The following ATP11C variants were observed in gnomAD, a reference collection of about 807,000 sequenced individuals.
ATP11C encodes phospholipid-transporting ATPase IG.
ATP11C carries 36 observed loss-of-function variants against 97.4 expected under a neutral mutation model. That is an observed-to-expected ratio of 0.37 (90% CI 0.28 to 0.49). ATP11C has a LOEUF of 0.49. Among genes scored for constraint, ATP11C ranks in the 20% least tolerant of loss-of-function variants. The pLI is 0.98. For missense variants in ATP11C, 730 were observed against 824.6 expected (o/e 0.89, Z 1.40); for synonymous variants, 275 against 290.9 (o/e 0.95, Z 0.56).
intron 1 of ATP11C, among the ~76,000 whole-genome samples, chrX:139,909,204 T>C (rs960710653): frequency 9.0e-6 from 1 of 111,431 alleles, no homozygotes; most frequent in Admixed American, 9.6e-5. Flanking sequence ...CGATCTTGGC[T>C]CACTGCAACC....
chrX:139,929,121 TACAG>T lies in ATP11C; in HGVS notation c.27+2891_27+2894del, dbSNP rs370343135. 2.8e-3 allele frequency among the ~76,000 whole-genome samples: 317 copies of T among 112,240 alleles called. 2 individuals carry two copies. Among genetic ancestry groups the T allele is most frequent in the Middle Eastern group, 9.2e-3 (2 of 218 alleles). On this transcript the variant is annotated intron_variant, in intron 1 of 29. Coordinates refer to ENST00000682941, the MANE Select transcript of ATP11C (RefSeq NM_001353812.2). ...ATATGCCTTTGAAGAAAATAAATTGTACAGACAGAGTTATTATTACTTATTTACT... is the reference window on the plus strand; with the variant it reads ...ATATGCCTTTGAAGAAAATAAATTGTACAGAGTTATTATTACTTATTTACT...
upstream of ATP11C, among the ~76,000 whole-genome samples, chrX:139,936,778 T>A (rs890431960): frequency 3.6e-5 from 4 of 111,100 alleles, no homozygotes; most frequent in African/African-American, 1.3e-4. Flanking sequence ...CACTAGAGCA[T>A]AGGATGTAGG....
At chrX:139,904,373 CAA>C (rs1416088581) in intron 1 of ATP11C, among the ~76,000 whole-genome samples, 4 of 109,832 alleles carry the variant, frequency 3.6e-5, no homozygotes, top group Non-Finnish European at 7.6e-5. Context: ...ACCAAAAATA[CAA>C]AAAATTAGCT....
intron 1 of ATP11C, among the ~76,000 whole-genome samples, chrX:139,861,945 T>C (rs1326397164): frequency 9.0e-6 from 1 of 111,371 alleles, no homozygotes; most frequent in Non-Finnish European, 1.9e-5. Context: ...GGGAAGACTC[T>C]TATCAACAGA....
intron 5 of ATP11C, among the ~76,000 whole-genome samples, chrX:139,814,108 T>G (rs761139574): frequency 1.8e-5 from 2 of 111,326 alleles, no homozygotes; most frequent in Non-Finnish European, 3.8e-5. Flanking sequence ...AAAATATAAT[T>G]TTTTAATTTA....
chrX:139,882,788 A>C (rs2084581280), intron 1 of ATP11C, among the ~76,000 whole-genome samples: 2 of 111,331 alleles, frequency 1.8e-5, no homozygotes, highest in Non-Finnish European at 3.8e-5. Context: ...TTTTCAGAGG[A>C]CCCAGATTAA....
chrX:139,816,429 C>T (rs1426235013), intron 4 of ATP11C, among the ~76,000 whole-genome samples: 1 of 111,765 alleles, frequency 8.9e-6, no homozygotes, highest in Non-Finnish European at 1.9e-5. Context: ...CAGGAAATGT[C>T]CCCTCTACCT....
Position 139,727,676 on chromosome X carries a change from A to T in ATP11C, c.*1290T>A. ...ATGCCAGAAAGACAAAAAAAAAACA[A>T]AAAAACTAGCAGTCAAATAAATATG... On this transcript the variant is annotated 3_prime_UTR_variant, in exon 30 of 30. Coordinates refer to ENST00000682941, the MANE Select transcript of ATP11C (RefSeq NM_001353812.2). The T allele has an allele frequency of 9.0e-6, 1 of 111,635 alleles. No homozygotes were observed. The highest frequency in any genetic ancestry group is 3.3e-5 in the African/African-American group (1 of 30,716). The allele number at this position is 111,635 out of a possible 1,213,427, so 9.2% of individuals were successfully genotyped here. A position where few individuals can be genotyped will look rare whatever the true frequency, so the allele number is the denominator to read the frequency against.
chrX:139,763,236 C>T (rs186760157), intron 21 of ATP11C, 80 bp downstream of exon 21: 1 of 735,803 alleles, frequency 1.4e-6, no homozygotes, highest in Admixed American at 2.9e-5. Flanking sequence ...CCAAAACAGT[C>T]ACTCTAGAAT....
rs1446363966 is a variant in ATP11C at position 139,859,978 on chromosome X, G to A, written c.28-33155C>T. On this transcript the variant is annotated intron_variant, in intron 1 of 29. Coordinates refer to ENST00000682941, the MANE Select transcript of ATP11C (RefSeq NM_001353812.2). The stretch of plus-strand genomic sequence containing the variant: ...AAATTAGCCGGGCGTAGTGGCGGGC[G>A]CCTGTAGTCCCAGCTACTTGGGAGG... 2.4e-4 allele frequency among the ~76,000 whole-genome samples: 22 copies of A among 92,716 alleles called. 1 individual carries two copies. The highest frequency in any genetic ancestry group is 3.7e-4 in the Non-Finnish European group (19 of 51,407). The allele number at this position is 92,716 out of a possible 115,157, so 80.5% of individuals were successfully genotyped here.
chrX:139,799,644 CT>C (rs754371113), intron 8 of ATP11C, among the ~76,000 whole-genome samples: 2,746 of 60,335 alleles, frequency 0.046, 28 homozygotes, highest in East Asian at 0.11. Context: ...CTTTATATTC[CT>C]TTTTTTTTTT....
At chrX:139,891,972 T>G (rs962389085) in intron 1 of ATP11C, among the ~76,000 whole-genome samples, 1 of 110,771 alleles carries the variant, frequency 9.0e-6, no homozygotes, top group Non-Finnish European at 1.9e-5. Context: ...TTCTCATGCC[T>G]CAGCCTCTCA....
chrX:139,847,197 C>A (rs905273742), intron 1 of ATP11C, among the ~76,000 whole-genome samples: 1 of 110,713 alleles, frequency 9.0e-6, no homozygotes, highest in Non-Finnish European at 1.9e-5. Context: ...CAAGCCTGGG[C>A]AACATAGTAA....
At chrX:139,845,529 G>A (rs1467023670) in intron 1 of ATP11C, among the ~76,000 whole-genome samples, 3 of 111,957 alleles carry the variant, frequency 2.7e-5, no homozygotes, top group Admixed American at 9.5e-5. Flanking sequence ...CCAGTGAGTA[G>A]AGGAAATGGA....
chrX:139,805,032 A>T (rs2083011072), intron 5 of ATP11C, among the ~76,000 whole-genome samples: 1 of 111,985 alleles, frequency 8.9e-6, no homozygotes, highest in Non-Finnish European at 1.9e-5. Context: ...GCCATGTGGT[A>T]ACAACTGTGT....
intron 18 of ATP11C, among the ~76,000 whole-genome samples, chrX:139,781,110 A>G (rs2082447187): frequency 9.0e-6 from 1 of 111,540 alleles, no homozygotes; most frequent in East Asian, 2.8e-4. Context: ...AGGAACGCCA[A>G]TCATCCTGAA....
At chrX:139,752,754 A>G (rs2081848371) in intron 23 of ATP11C, among the ~76,000 whole-genome samples, 1 of 112,240 alleles carries the variant, frequency 8.9e-6, no homozygotes, top group Non-Finnish European at 1.9e-5. Flanking sequence ...CTCAATAGCA[A>G]TTTGAATGTT....
intron 24 of ATP11C, among the ~76,000 whole-genome samples, chrX:139,749,310 G>A (rs1435885512): frequency 8.9e-6 from 1 of 111,788 alleles, no homozygotes; most frequent in East Asian, 2.8e-4. Flanking sequence ...TTAAATTTGT[G>A]TATCTTCATT....
At chrX:139,887,461 C>CA (rs200174893) in intron 1 of ATP11C, among the ~76,000 whole-genome samples, 3,324 of 108,881 alleles carry the variant, frequency 0.031, 77 homozygotes, top group African/African-American at 0.064. Flanking sequence ...CCTGTTTCTA[C>CA]AAAAAAAACC....
Sources: allele counts gnomAD v4.1 joint callset (sites outside exome capture counted in the v4.1 genomes callset), GRCh38; gene constraint gnomAD v4.1.1; transcripts MANE v1.5; gene names NCBI Gene and HGNC (gene_info 2026-07-23, HGNC 2026-07-21).